STRBP: variants seen among roughly 807,000 people sequenced by gnomAD.
The protein encoded by STRBP is spermatid perinuclear RNA binding protein.
A neutral mutation model predicts 80.1 loss-of-function variants in STRBP; 13 were observed. The ratio of observed to expected loss-of-function variants is 0.16; its 90% CI spans 0.11 to 0.26. The LOEUF is 0.26. STRBP is among the 10% of genes least tolerant of loss of function. The pLI, the probability that STRBP is intolerant of heterozygous loss-of-function variation, is 1.00. For missense variants in STRBP, 485 were observed against 815.2 expected, an observed-to-expected ratio of 0.59 and a Z score of 4.93; for synonymous variants, 284 against 291.2, an observed-to-expected ratio of 0.98 and a Z score of 0.25.
chr9:123,253,517 A>G (rs1189131252), intron 1 of STRBP, among the ~76,000 whole-genome samples: 1 of 152,216 alleles, frequency 6.6e-6, no homozygotes, highest in Non-Finnish European at 1.5e-5. Flanking sequence ...CCAACTTTTC[A>G]AGCCAAATAG....
At chr9:123,170,738 C>T (rs1300513365) in intron 5 of STRBP, among the ~76,000 whole-genome samples, 3 of 152,020 alleles carry the variant, frequency 2.0e-5, no homozygotes, top group Non-Finnish European at 4.4e-5. Context: ...AGGTAGGGGC[C>T]TCCCACAAAA....
chr9:123,160,000 G>T (rs1416110789), intron 8 of STRBP, among the ~76,000 whole-genome samples: 1 of 152,110 alleles, frequency 6.6e-6, no homozygotes, highest in Non-Finnish European at 1.5e-5. Flanking sequence ...TAATGCAAGG[G>T]GGCACCAAAA....
At chr9:123,147,206 AAATT>A (rs1189750979) in intron 12 of STRBP, 152 bp from the exon 13 acceptor site, 2 of 553,662 alleles carry the variant, frequency 3.6e-6, no homozygotes, top group Non-Finnish European at 3.2e-6. Flanking sequence ...AGTAATTCTA[AAATT>A]ATTATGCTAA....
intron 2 of STRBP, among the ~76,000 whole-genome samples, chr9:123,234,865 C>T (rs534927521): frequency 2.6e-5 from 4 of 152,016 alleles, no homozygotes; most frequent in South Asian, 4.2e-4. Context: ...GAGGCCAAGG[C>T]AGGAGACTCG....
intron 1 of STRBP, among the ~76,000 whole-genome samples, chr9:123,257,273 C>A (rs1017539772): frequency 1.3e-5 from 2 of 152,134 alleles, no homozygotes; most frequent in African/African-American, 4.8e-5. Flanking sequence ...TAATCCAGTT[C>A]TATTTGTTTT....
chr9:123,268,020 G>A (rs1232318719), intron 1 of STRBP, among the ~76,000 whole-genome samples: 6 of 136,930 alleles, frequency 4.4e-5, no homozygotes, highest in Non-Finnish European at 9.5e-5. Flanking sequence ...CCTTCCGCCT[G>A]CCCCCCGAAG....
intron 1 of STRBP, among the ~76,000 whole-genome samples, chr9:123,256,868 T>C (rs1588161401): frequency 6.7e-6 from 1 of 149,832 alleles, no homozygotes; most frequent in Admixed American, 6.7e-5. Context: ...ACGTGAAAAC[T>C]CCATGTAGAC....
downstream of STRBP, among the ~76,000 whole-genome samples, chr9:123,119,389 C>G (rs1005038252): frequency 9.2e-6 from 1 of 108,956 alleles, no homozygotes; most frequent in East Asian, 3.3e-4. Context: ...TCCCACCCCC[C>G]GCCCCCCGCC....
At chr9:123,153,651 G>A (rs1469517468) in intron 11 of STRBP, among the ~76,000 whole-genome samples, 3 of 152,204 alleles carry the variant, frequency 2.0e-5, no homozygotes, top group Non-Finnish European at 2.9e-5. Context: ...AAGGGAGAGC[G>A]AGGGCAGGAG....
rs1308407375 is a variant in STRBP, at chr9:123,110,404, A to T, written c.*85-651T>A. On this transcript the variant is annotated intron_variant and NMD_transcript_variant, in intron 3 of 3. Coordinates refer to the STRBP transcript ENST00000471564. This position sits in a 1 kb window ranked among gnomAD's most constrained non-coding sequence, Gnocchi z 4.1. ...CTGTTCCTGGAAGTACGATTGCCCT[A>T]ATTTATGGTTACCTCAGGAAACCTT... 2 of 168,874 alleles carry T rather than the reference A, an allele frequency of 1.2e-5. No individual in the cohort carries two copies. The highest frequency in any genetic ancestry group is 1.5e-5 in the Non-Finnish European group (1 of 68,138). The allele number at this position is 168,874 out of a possible 1,614,324, so 10.5% of individuals were successfully genotyped here.
intron 17 of STRBP, among the ~76,000 whole-genome samples, chr9:123,129,133 G>A (rs536401500): frequency 6.6e-6 from 1 of 152,250 alleles, no homozygotes; most frequent in Admixed American, 6.5e-5. Context: ...GTGGCAGGAG[G>A]ACTGCTTGAA....
In STRBP at chr9:123,241,605, T is replaced by C. The variant is rs934393759; in HGVS notation, c.-301-4639A>G. 1.3e-4 allele frequency among the ~76,000 whole-genome samples: 19 copies of C among 151,414 alleles called. 1 individual carries two copies. Among genetic ancestry groups the C allele is most frequent in the Middle Eastern group, 3.4e-3 (1 of 294 alleles). On this transcript the variant is annotated intron_variant, in intron 1 of 18. Coordinates refer to ENST00000348403, the MANE Select transcript of STRBP (RefSeq NM_018387.5). ...CAATCTCACTGGATAACAATAATCA[T>C]CCAACCAAGTTTTAAAAGAAAAAAA...
Position 123,146,977 on chromosome 9 carries a change from G to A in STRBP, c.1216C>T (p.Leu406Phe). 6.2e-7 allele frequency: 1 copy of A among 1,614,080 alleles called. No homozygotes were observed. The highest frequency in any genetic ancestry group is 8.5e-7 in the Non-Finnish European group (1 of 1,179,984). ...TGAACGGGGCCAGACTGAGATAGGA[G>A]CTTATACTGAAGCCCAGGCCTGATC... is the stretch of plus-strand genomic sequence containing the variant. ...NQIRPGLQYK[L>F]LSQSGPVHAP... is the part of the protein sequence containing the mutation. The change falls in exon 13 of 19, where the codon CTC becomes TTC. Residue 406 changes from leucine (L) to phenylalanine (F), a missense_variant. By Grantham distance (22) the Leu-to-Phe change is conservative. Around this residue, in one of 3 missense-constraint regions of STRBP, gnomAD observed 377 missense variants for 616.1 expected, o/e 0.61. Transcript: ENST00000348403.
chr9:123,173,806 C>G lies in STRBP; in HGVS notation c.261G>C (p.Arg87Ser), dbSNP rs887977335. Residue 87 changes from arginine (R) to serine (S), a missense_variant, in exon 5 of 19, where the codon AGG becomes AGC. Physicochemically the swap from Arg to Ser is moderately radical, Grantham distance 110. Transcript: ENST00000348403. ...QGGRTLCGVM[R>S]IGLVAKGLLI... Reference sequence around the variant, plus strand: ...GCAAGCCTTTTGCAACCAGGCCAATCCTCATTACACCACACAATGTCCGAC... The same window carrying G: ...GCAAGCCTTTTGCAACCAGGCCAATGCTCATTACACCACACAATGTCCGAC... The G allele has an allele frequency of 6.2e-7, 1 of 1,612,386 alleles. No homozygotes were observed. Among genetic ancestry groups the G allele is most frequent in the Non-Finnish European group, 8.5e-7 (1 of 1,179,522 alleles).
At chr9:123,216,752 G>T (rs759154994) in intron 2 of STRBP, among the ~76,000 whole-genome samples, 1 of 152,224 alleles carries the variant, frequency 6.6e-6, no homozygotes, top group Non-Finnish European at 1.5e-5. Flanking sequence ...ACCTTGGCAA[G>T]TGAGCCTTCA....
chr9:123,127,180 A>G (rs2035928784), intron 18 of STRBP, among the ~76,000 whole-genome samples: 1 of 152,222 alleles, frequency 6.6e-6, no homozygotes, highest in Non-Finnish European at 1.5e-5. Flanking sequence ...CTTTCTACTT[A>G]TGTCCACAGT....
At chr9:123,267,554 C>T (rs75471079) in intron 1 of STRBP, among the ~76,000 whole-genome samples, 2,518 of 152,046 alleles carry the variant, frequency 0.017, 79 homozygotes, top group African/African-American at 0.057. Context: ...CCCTCACACC[C>T]CTCGCAGGTC....
intron 2 of STRBP, among the ~76,000 whole-genome samples, chr9:123,223,029 A>G (rs2040115564): frequency 6.6e-6 from 1 of 151,104 alleles, no homozygotes; most frequent in Admixed American, 6.6e-5. Context: ...AAAGACATGA[A>G]GGAAGCTCAG....
chr9:123,134,132 T>G (rs2036256597), intron 16 of STRBP, among the ~76,000 whole-genome samples: 1 of 152,076 alleles, frequency 6.6e-6, no homozygotes, highest in Non-Finnish European at 1.5e-5. Context: ...CAAACTAAAT[T>G]TTAAGAAAAT....
Sources: gnomAD v4.1 joint callset for allele counts (sites outside exome capture counted in the v4.1 genomes callset) on GRCh38, gnomAD v4.1.1 for gene constraint, gnomAD v4.1.1 regional missense constraint, Gnocchi (gnomAD v3.1) non-coding constraint, MANE v1.5 for transcripts, NCBI Gene and HGNC (gene_info 2026-07-23, HGNC 2026-07-21) for gene names.